The following LBH variants were observed in gnomAD, a reference collection of about 807,000 sequenced individuals.
LBH encodes protein LBH.
LBH carries 7 observed loss-of-function variants against 12.5 expected under a neutral mutation model. That is an observed-to-expected ratio of 0.56 (90% confidence interval 0.32 to 1.05). LBH has a LOEUF of 1.05. LBH is among the 50% of genes least tolerant of loss of function. The probability of loss-of-function intolerance (pLI) is 0.04; values close to 1 mark genes in which losing one functional copy is unlikely to be tolerated. For missense variants in LBH, 119 were observed against 138.9 expected, an observed-to-expected ratio of 0.86 and a Z score of 0.72; for synonymous variants, 51 against 50.1, an observed-to-expected ratio of 1.02 and a Z score of -0.08.
At chr2:30,244,795 A>G (rs746767360) in intron 2 of LBH, among the ~76,000 whole-genome samples, 1 of 152,088 alleles carries the variant, frequency 6.6e-6, no homozygotes, top group Admixed American at 6.5e-5. Context: ...AGTCCCAGCT[A>G]CTTGAGGGGC....
intron 2 of LBH, among the ~76,000 whole-genome samples, chr2:30,238,885 C>CT (rs367954684): frequency 0.065 from 6,399 of 98,016 alleles, 679 homozygotes; most frequent in African/African-American, 0.15. Context: ...CCTCCCCACT[C>CT]TTTTTTTTTT....
At chr2:30,247,846 G>T (rs1558388776) in intron 2 of LBH, among the ~76,000 whole-genome samples, 1 of 152,220 alleles carries the variant, frequency 6.6e-6, no homozygotes, top group Admixed American at 6.5e-5. Flanking sequence ...AATTGATGAT[G>T]CCAAGTATGG....
rs1274374217 is a variant in LBH at position 30,257,759 on chromosome 2, T to C, written c.*138T>C. ...GAGGCTTCTGTTTTGCACCTGCAGA[T>C]CACCGAGTTGGTTTTCTTTTCTTTT... On this transcript the variant is annotated 3_prime_UTR_variant, in exon 3 of 3. Transcript: ENST00000395323. 1 of 587,478 alleles carries C rather than the reference T, an allele frequency of 1.7e-6. No homozygotes were observed. The highest frequency in any genetic ancestry group is 3.2e-5 in the East Asian group (1 of 31,250). 36.4% of individuals were successfully genotyped at this position (587,478 alleles called of 1,614,324 possible). A position where few individuals can be genotyped will look rare whatever the true frequency, so the allele number is the denominator to read the frequency against.
At chr2:30,245,393 T>G (rs6726021) in intron 2 of LBH, among the ~76,000 whole-genome samples, 3,757 of 152,206 alleles carry the variant, frequency 0.025, 156 homozygotes, top group African/African-American at 0.084. Flanking sequence ...GGAGACAGAG[T>G]TGTTCAGAAT....
At chr2:30,254,728 C>T (rs1326202638) in intron 2 of LBH, among the ~76,000 whole-genome samples, 1 of 152,152 alleles carries the variant, frequency 6.6e-6, no homozygotes, top group African/African-American at 2.4e-5. Context: ...CCAGCCCTGA[C>T]AATGTGGCCC....
chr2:30,231,964 G>A (rs949358535), intron 1 of LBH, among the ~76,000 whole-genome samples, 200 bp downstream of exon 1: 1 of 151,638 alleles, frequency 6.6e-6, no homozygotes, highest in Non-Finnish European at 1.5e-5. Context: ...AGAACATCCA[G>A]ACAAAGGACG....
At chr2:30,253,787 C>A (rs1046835220) in intron 2 of LBH, among the ~76,000 whole-genome samples, 3 of 152,126 alleles carry the variant, frequency 2.0e-5, no homozygotes, top group African/African-American at 7.2e-5. Context: ...ATTTTATCAT[C>A]TTTATATTTG....
chr2:30,238,802 C>T (rs961479346), intron 2 of LBH, among the ~76,000 whole-genome samples: 2 of 152,078 alleles, frequency 1.3e-5, no homozygotes, highest in South Asian at 2.1e-4. Context: ...GGTGGACGAC[C>T]AGCCTTTCCC....
intron 1 of LBH, chr2:30,233,082 G>A (rs1321107103): frequency 6.6e-6 from 1 of 152,262 alleles, no homozygotes; most frequent in Non-Finnish European, 1.5e-5. Flanking sequence ...TATAGGTGAA[G>A]CTTTGAAGGC....
At chr2:30,234,576 T>G in intron 2 of LBH, 69 bp downstream of exon 2, 1 of 1,190,836 alleles carries the variant, frequency 8.4e-7, no homozygotes, top group East Asian at 2.4e-5. Flanking sequence ...GAGGACAGAC[T>G]TGGTTTTGCA....
chr2:30,238,737 T>C (rs1286636020), intron 2 of LBH, among the ~76,000 whole-genome samples: 1 of 152,180 alleles, frequency 6.6e-6, no homozygotes, highest in Non-Finnish European at 1.5e-5. Flanking sequence ...CCTCGTGCAG[T>C]TGGAGAGCCT....
At chr2:30,243,525 CTTTTTTTT>C (rs886828942) in intron 2 of LBH, among the ~76,000 whole-genome samples, 8 of 110,142 alleles carry the variant, frequency 7.3e-5, no homozygotes, top group Admixed American at 9.2e-5. Flanking sequence ...GGGCTGGACT[CTTTTTTTT>C]TTTTTTTTTT....
intron 1 of LBH, among the ~76,000 whole-genome samples, chr2:30,232,001 CG>C (rs1325584923): frequency 6.6e-6 from 1 of 151,850 alleles, no homozygotes; most frequent in Non-Finnish European, 1.5e-5. Flanking sequence ...ACCTAAGTGA[CG>C]GCCGGAGGGT....
At chr2:30,257,372 G>T (rs1678103462) in intron 2 of LBH, 61 bp from the exon 3 acceptor site, 7 of 1,573,592 alleles carry the variant, frequency 4.4e-6, no homozygotes, top group Non-Finnish European at 6.1e-6. Context: ...TGCAAAGAAG[G>T]AATGGAATTT....
intron 2 of LBH, among the ~76,000 whole-genome samples, chr2:30,248,185 T>A (rs992669640): frequency 6.6e-6 from 1 of 152,206 alleles, no homozygotes; most frequent in Non-Finnish European, 1.5e-5. Flanking sequence ...AATGCTGCAG[T>A]TGTGATCAAC....
intron 2 of LBH, among the ~76,000 whole-genome samples, chr2:30,245,245 G>GT (rs1381286626): frequency 1.3e-5 from 2 of 152,156 alleles, no homozygotes; most frequent in South Asian, 4.1e-4. Context: ...TTGTTCTTGA[G>GT]TTTTTTAATA....
intron 2 of LBH, among the ~76,000 whole-genome samples, chr2:30,241,460 CTTT>C (rs777223190): frequency 1.5e-5 from 2 of 132,616 alleles, no homozygotes; most frequent in Non-Finnish European, 3.2e-5. Flanking sequence ...TTCTTTCTTT[CTTT>C]TTTTTTTTTT....
In LBH at chr2:30,241,027, T is replaced by C. The variant is rs78374244; in HGVS notation, c.129+6520T>C. Among the ~76,000 whole-genome samples, 739 of 152,376 alleles carry C rather than the reference T, an allele frequency of 4.8e-3. 8 individuals are homozygous for C. Among genetic ancestry groups the C allele is most frequent in the African/African-American group, 0.017 (695 of 41,590 alleles). ...GGTGGTTCCCAAACAGAATTTAAAA[T>C]ATACCTTGAACTCATCTTCCAGCTT... On this transcript the variant is annotated intron_variant, in intron 2 of 2. Coordinates refer to ENST00000395323, the MANE Select transcript of LBH (RefSeq NM_030915.4).
At chr2:30,235,098 C>T (rs1037605952) in intron 2 of LBH, among the ~76,000 whole-genome samples, 7 of 152,262 alleles carry the variant, frequency 4.6e-5, no homozygotes, top group African/African-American at 1.7e-4. Flanking sequence ...GCTTGGAGAT[C>T]ATCCTGTCTG....
Sources: allele counts gnomAD v4.1 joint callset (sites outside exome capture counted in the v4.1 genomes callset), GRCh38; gene constraint gnomAD v4.1.1; transcripts MANE v1.5; gene names NCBI Gene and HGNC (gene_info 2026-07-23, HGNC 2026-07-21).